Variants in NXN observed in about 807,000 individuals in gnomAD.
The protein encoded by NXN is nucleoredoxin.
Under a neutral mutation model 48.6 loss-of-function variants are expected in NXN, and 16 were observed. That is an observed-to-expected ratio of 0.33 (90% CI 0.22 to 0.50). The LOEUF is 0.50. NXN is among the 20% of genes least tolerant of loss of function. The pLI, the probability that NXN is intolerant of heterozygous loss-of-function variation, is 0.98. For missense variants in NXN, 492 were observed against 605.5 expected, an observed-to-expected ratio of 0.81 and a Z score of 1.97; for synonymous variants, 281 against 269.6, an observed-to-expected ratio of 1.04 and a Z score of -0.41.
intron 1 of NXN, among the ~76,000 whole-genome samples, chr17:856,938 T>C (rs1273178050): frequency 1.3e-5 from 2 of 152,160 alleles, no homozygotes; most frequent in Non-Finnish European, 2.9e-5. Context: ...TTTTCCATCA[T>C]GAACCTCAAA....
chr17:818,422 T>G (rs1397155047), intron 5 of NXN, among the ~76,000 whole-genome samples: 1 of 151,542 alleles, frequency 6.6e-6, no homozygotes, highest in Non-Finnish European at 1.5e-5. Context: ...TCCCAACAAT[T>G]CTCTGTGGCA....
chr17:948,044 C>G (rs576577650), intron 1 of NXN, among the ~76,000 whole-genome samples: 3 of 151,646 alleles, frequency 2.0e-5, no homozygotes. Flanking sequence ...GAGACTCTCT[C>G]TCAAAAACAA....
chr17:819,349 C>T (rs1567816442), intron 5 of NXN, 90 bp downstream of exon 5: 1 of 854,160 alleles, frequency 1.2e-6, no homozygotes. Context: ...AATAATGATG[C>T]TCTTCTTCTT....
chr17:879,921 G>C (rs1428370775), intron 1 of NXN: 1 of 152,204 alleles, frequency 6.6e-6, no homozygotes, highest in Non-Finnish European at 1.5e-5. Flanking sequence ...TGAAGCCACT[G>C]CGCTGGTCCG....
At chr17:842,331 G>C (rs1468022298) in intron 1 of NXN, among the ~76,000 whole-genome samples, 3 of 152,206 alleles carry the variant, frequency 2.0e-5, no homozygotes, top group Non-Finnish European at 4.4e-5. Context: ...AGAAAGCCCA[G>C]AGACACAGGG....
chr17:894,045 T>A (rs866424228), intron 1 of NXN, among the ~76,000 whole-genome samples: 3,256 of 26,210 alleles, frequency 0.12, no homozygotes, highest in African/African-American at 0.27. Flanking sequence ...AGAGGAAGCA[T>A]CTCAACTCCC....
intron 6 of NXN, among the ~76,000 whole-genome samples, 155 bp downstream of exon 6, chr17:804,913 T>A (rs190201215): frequency 6.6e-6 from 1 of 152,106 alleles, no homozygotes; most frequent in Non-Finnish European, 1.5e-5. Context: ...GAATAAATCA[T>A]TGGGGTCAAA....
chr17:930,593 G>A (rs900308869), intron 1 of NXN, among the ~76,000 whole-genome samples: 7 of 151,992 alleles, frequency 4.6e-5, no homozygotes, highest in Admixed American at 3.9e-4. Context: ...CAAAGCTAAA[G>A]GTACAAAAAA....
At chr17:843,548 G>C (rs921200701) in intron 1 of NXN, among the ~76,000 whole-genome samples, 3 of 152,244 alleles carry the variant, frequency 2.0e-5, no homozygotes, top group African/African-American at 7.2e-5. Flanking sequence ...GGTAATAACA[G>C]GCTAGGGCCA....
chr17:924,624 G>C (rs2068780832), intron 1 of NXN, among the ~76,000 whole-genome samples: 1 of 152,158 alleles, frequency 6.6e-6, no homozygotes, highest in Non-Finnish European at 1.5e-5. Context: ...TGCAGCATTA[G>C]GTGCATCTCC....
At position 900,852 on chromosome 17, in the gene NXN, C is replaced by T. The variant is rs78587160; in HGVS notation, c.361-74774G>A. On this transcript the variant is annotated intron_variant, in intron 1 of 7. Coordinates refer to ENST00000336868, the MANE Select transcript of NXN (RefSeq NM_022463.5). ...CAATCTGCAGGGCTGGAAGCATCTTCTGGGAGGCAGGGGAGTTTTGAGAGA... is the reference window on the plus strand; with the variant it reads ...CAATCTGCAGGGCTGGAAGCATCTTTTGGGAGGCAGGGGAGTTTTGAGAGA... Among the ~76,000 whole-genome samples, 1,147 of 149,408 alleles carry T rather than the reference C, an allele frequency of 7.7e-3. 9 individuals carry two copies. The highest frequency in any genetic ancestry group is 0.027 in the African/African-American group (1,080 of 40,612).
intron 5 of NXN, among the ~76,000 whole-genome samples, chr17:813,988 C>T (rs1369097578): frequency 1.2e-4 from 18 of 151,250 alleles, no homozygotes; most frequent in African/African-American, 3.4e-4. Flanking sequence ...GAGCCGGGCA[C>T]GGTGACTCAT....
intron 1 of NXN, among the ~76,000 whole-genome samples, chr17:951,721 G>T (rs2069112866): frequency 6.6e-6 from 1 of 152,052 alleles, no homozygotes; most frequent in Non-Finnish European, 1.5e-5. Context: ...AGGGCTGGGG[G>T]TGGGGGCCGG....
chr17:872,301 A>C (rs1177383003), intron 1 of NXN, among the ~76,000 whole-genome samples: 1 of 141,520 alleles, frequency 7.1e-6, no homozygotes, highest in Non-Finnish European at 1.6e-5. Flanking sequence ...CGTCAATCAA[A>C]GACTAGGAGA....
At chr17:885,197 C>T (rs2068329833) in intron 1 of NXN, among the ~76,000 whole-genome samples, 1 of 152,204 alleles carries the variant, frequency 6.6e-6, no homozygotes, top group South Asian at 2.1e-4. Context: ...GTCGCAGTGG[C>T]TCACGCCTGT....
intron 1 of NXN, among the ~76,000 whole-genome samples, chr17:847,634 C>T (rs766114590): frequency 1.3e-5 from 2 of 152,164 alleles, no homozygotes; most frequent in East Asian, 3.9e-4. Flanking sequence ...AAACTGTGAC[C>T]ACCCAGTACC....
At position 825,946 on chromosome 17, in the gene NXN, G is replaced by C; in HGVS notation, c.478+15C>G. ...TGGGTAATAAGAGGACCATATGCAC[G>C]GGCTGAGGTTTTACCTTCTGGGTCA... On this transcript the variant is annotated intron_variant, in intron 2 of 7. Coordinates refer to ENST00000336868, the MANE Select transcript of NXN (RefSeq NM_022463.5). The surrounding 1 kb of genome is among the most constrained non-coding windows in gnomAD (Gnocchi z 4.1). 1 of 1,549,932 alleles carries C rather than the reference G, an allele frequency of 6.5e-7. No homozygotes were observed. The highest frequency in any genetic ancestry group is 8.9e-7 in the Non-Finnish European group (1 of 1,127,186).
chr17:863,491 C>T (rs2068062840), intron 1 of NXN, among the ~76,000 whole-genome samples: 1 of 151,816 alleles, frequency 6.6e-6, no homozygotes, highest in Admixed American at 6.6e-5. Flanking sequence ...GACAGGGTCT[C>T]GCTCTGTCCC....
In NXN at chr17:805,262, G is replaced by A; in HGVS notation, c.821-15C>T. On this transcript the variant is annotated splice_polypyrimidine_tract_variant and intron_variant, in intron 5 of 7. Coordinates refer to ENST00000336868, the MANE Select transcript of NXN (RefSeq NM_022463.5). ...CGTGGGGATGCCTGCAGGGAAGAGG[G>A]GGTGCTTGGCCGCTGGCCCGGGAGA... 2 of 1,599,766 alleles carry A rather than the reference G, an allele frequency of 1.3e-6. No individual in the cohort carries two copies. The highest frequency in any genetic ancestry group is 1.7e-6 in the Non-Finnish European group (2 of 1,171,868).
Sources: gnomAD v4.1 joint callset for allele counts (sites outside exome capture counted in the v4.1 genomes callset) on GRCh38, gnomAD v4.1.1 for gene constraint, Gnocchi (gnomAD v3.1) non-coding constraint, MANE v1.5 for transcripts, NCBI Gene and HGNC (gene_info 2026-07-23, HGNC 2026-07-21) for gene names.